Variants in DNAJB1 observed in about 807,000 individuals in gnomAD.
DNAJB1 encodes the protein dnaJ homolog subfamily B member 1.
In DNAJB1, 14 loss-of-function variants were observed where a neutral mutation model predicts 24.0. That is an observed-to-expected ratio of 0.58 (90% CI 0.39 to 0.91). DNAJB1 has a LOEUF of 0.91. DNAJB1 is among the 40% of genes least tolerant of loss of function. The pLI is 0.00. For missense variants in DNAJB1, 517 were observed against 458.1 expected (o/e 1.13, Z -1.17); for synonymous variants, 262 against 174.4 (o/e 1.50, Z -3.96).
exon 2 of DNAJB1, chr19:14,527,762 C>T (rs2072458941): frequency 6.6e-6 from 1 of 152,246 alleles, no homozygotes; most frequent in Admixed American, 6.6e-5. Context: ...CATGACAGGC[C>T]TGTGAATTCC....
At chr19:14,536,693 A>G (rs1415118372) in intron 1 of DNAJB1, 1 of 152,134 alleles carries the variant, frequency 6.6e-6, no homozygotes, top group East Asian at 1.9e-4. Context: ...TCTAAGTCAC[A>G]GGTAGGGTAT....
At chr19:14,529,597 TA>T, upstream of DNAJB1, 1 of 1,580,764 alleles carries the variant, frequency 6.3e-7, no homozygotes, top group Non-Finnish European at 8.7e-7. Context: ...GAGCCGCGTT[TA>T]GTCTATCGCT....
chr19:14,517,957 G>A (rs1156980302), intron 1 of DNAJB1, 182 bp downstream of exon 1: 6 of 564,936 alleles, frequency 1.1e-5, no homozygotes, highest in Admixed American at 4.3e-5. Context: ...GCTGGGCCAA[G>A]GCTCCTCCTC....
At chr19:14,518,061 C>A in intron 1 of DNAJB1, 78 bp downstream of exon 1, 2 of 1,335,932 alleles carry the variant, frequency 1.5e-6, no homozygotes, top group African/African-American at 1.5e-5. Context: ...TCCCGGGGGG[C>A]CGCCGAGAGG....
rs746427917 is a variant in DNAJB1, at chr19:14,516,727, G to A, written c.531C>T (p.Ser177=). Reference sequence around the variant, plus strand: ...AGATTTTCATCTTCTTGGTACAGCCGCTGTAGATCTCTTCAAGGGAGACTC... The same window carrying A: ...AGATTTTCATCTTCTTGGTACAGCCACTGTAGATCTCTTCAAGGGAGACTC... ...DLRVSLEEIY[S]GCTKKMKISH... Residue 177 remains serine, a synonymous_variant, in exon 2 of 3, where the codon AGC becomes AGT. Coordinates refer to ENST00000254322, the MANE Select transcript of DNAJB1 (RefSeq NM_006145.3). 8.1e-6 allele frequency: 13 copies of A among 1,613,980 alleles called. No individual in the cohort carries two copies. Among genetic ancestry groups the A allele is most frequent in the Non-Finnish European group, 1.1e-5 (13 of 1,180,036 alleles).
intron 1 of DNAJB1, among the ~76,000 whole-genome samples, chr19:14,542,547 A>G (rs1349928986): frequency 6.6e-6 from 1 of 150,994 alleles, no homozygotes; most frequent in Non-Finnish European, 1.5e-5. Context: ...TTTTTAGTAG[A>G]AATGTTGTTT....
upstream of DNAJB1, among the ~76,000 whole-genome samples, chr19:14,552,661 A>T (rs969115601): frequency 1.3e-5 from 2 of 151,536 alleles, no homozygotes; most frequent in Non-Finnish European, 2.9e-5. Flanking sequence ...CAGCCTCCCG[A>T]GTAGCTGGGA....
chr19:14,532,778 T>G (rs961052152), upstream of DNAJB1, among the ~76,000 whole-genome samples: 4 of 152,144 alleles, frequency 2.6e-5, no homozygotes, highest in African/African-American at 9.7e-5. Context: ...TCACTCACAC[T>G]TAACAAGCAA....
At chr19:14,531,939 GT>G (rs2072683419), upstream of DNAJB1, 2 of 150,492 alleles carry the variant, frequency 1.3e-5, no homozygotes, top group South Asian at 2.1e-4. Context: ...AGCCCAGGAG[GT>G]TGAGGCTGCA....
chr19:14,520,680 G>T (rs1171697458), upstream of DNAJB1, among the ~76,000 whole-genome samples: 3 of 152,108 alleles, frequency 2.0e-5, no homozygotes, highest in Admixed American at 6.5e-5. Context: ...TGGGGAGAGA[G>T]AACTTGATAT....
At position 14,538,820 on chromosome 19, in the gene DNAJB1, C is replaced by T. The variant is rs1055743180; in HGVS notation, c.-213-11010G>A. On this transcript the variant is annotated intron_variant, in intron 1 of 3. Coordinates refer to the DNAJB1 transcript ENST00000676982. The stretch of plus-strand genomic sequence containing the variant: ...TGCTGGGATTATAGGCATGAGCCAC[C>T]ACGCCTGGCTGAGAAAAGCTTCAAA... 5.3e-5 allele frequency among the ~76,000 whole-genome samples: 8 copies of T among 152,120 alleles called. No homozygotes were observed. In the East Asian group the frequency reaches 7.7e-4, roughly 15 times the overall value.
At chr19:14,549,831 T>C (rs1374317186) in intron 1 of DNAJB1, among the ~76,000 whole-genome samples, 3 of 151,808 alleles carry the variant, frequency 2.0e-5, no homozygotes, top group Non-Finnish European at 4.4e-5. Flanking sequence ...TAATCCCAGC[T>C]ACTCAGGAGG....
Position 14,514,899 on chromosome 19 carries a change from C to T in DNAJB1, c.*1041G>A, listed in dbSNP as rs1262262224. 6.6e-6 allele frequency: 1 copy of T among 152,642 alleles called. No individual in the cohort carries two copies. Among genetic ancestry groups the T allele is most frequent in the Non-Finnish European group, 1.5e-5 (1 of 68,072 alleles). The allele number at this position is 152,642 out of a possible 1,614,324, so 9.5% of individuals were successfully genotyped here. On this transcript the variant is annotated 3_prime_UTR_variant, in exon 3 of 3. Transcript: ENST00000254322. ...ACTGGACTGGCCTCCAGGGAACAGA[C>T]ATTTGTTCCAACTCCCCTTCCCTCC... is the stretch of plus-strand genomic sequence containing the variant.
At chr19:14,533,756 CCT>C (rs372060170), upstream of DNAJB1, among the ~76,000 whole-genome samples, 730 of 152,244 alleles carry the variant, frequency 4.8e-3, 3 homozygotes, top group Middle Eastern at 0.01. Flanking sequence ...TGAGGTGAAG[CCT>C]CTCTCTAGAA....
chr19:14,524,775 G>A (rs1028881668), intron 2 of DNAJB1, among the ~76,000 whole-genome samples: 1 of 138,132 alleles, frequency 7.2e-6, no homozygotes, highest in East Asian at 2.0e-4. Flanking sequence ...GAACCTAGGA[G>A]GTGGAGGTTG....
chr19:14,548,283 C>T (rs1333784723), intron 1 of DNAJB1, among the ~76,000 whole-genome samples: 2 of 152,056 alleles, frequency 1.3e-5, no homozygotes, highest in South Asian at 2.1e-4. Flanking sequence ...TCAAACTTTA[C>T]ATGTCCAAAA....
rs771204817 is a variant in DNAJB1 at position 14,516,090 on chromosome 19, A to G, written c.873T>C (p.Pro291=). The G allele has an allele frequency of 1.2e-6, 2 of 1,613,928 alleles. No homozygotes were observed. Among genetic ancestry groups the G allele is most frequent in the Admixed American group, 3.3e-5 (2 of 59,908 alleles). The change falls in exon 3 of 3, where the codon CCT becomes CCC. Residue 291 remains proline (P), a synonymous_variant. Coordinates refer to ENST00000254322, the MANE Select transcript of DNAJB1 (RefSeq NM_006145.3). Reference sequence around the variant, plus strand: ...CTCCAGGAACTTTTCGCCGCATGCCAGGCCTGATAACATCTTTGAATACGA... The same window carrying G: ...CTCCAGGAACTTTTCGCCGCATGCCGGGCCTGATAACATCTTTGAATACGA... ...IPVVFKDVIR[P]GMRRKVPGEG...
intron 1 of DNAJB1, 68 bp downstream of exon 1, chr19:14,518,071 G>A: frequency 7.4e-7 from 1 of 1,353,080 alleles, no homozygotes; most frequent in Non-Finnish European, 9.5e-7. Flanking sequence ...CCGCCGAGAG[G>A]GGCCAGCGTG....
At chr19:14,533,651 G>C (rs1476381312), upstream of DNAJB1, among the ~76,000 whole-genome samples, 4 of 152,290 alleles carry the variant, frequency 2.6e-5, no homozygotes, top group East Asian at 7.7e-4. Flanking sequence ...GATCCCAGCA[G>C]TAGTGGAGAT....
Sources: allele counts gnomAD v4.1 joint callset (sites outside exome capture counted in the v4.1 genomes callset), GRCh38; gene constraint gnomAD v4.1.1; transcripts MANE v1.5; gene names NCBI Gene and HGNC (gene_info 2026-07-23, HGNC 2026-07-21).